DPYSL2: variants seen among roughly 807,000 people sequenced by gnomAD.
DPYSL2 encodes the protein dihydropyrimidinase-related protein 2.
DPYSL2 carries 13 observed loss-of-function variants against 69.9 expected under a neutral mutation model. The observed-to-expected ratio is 0.19, with a 90% confidence interval of 0.12 to 0.30. The LOEUF (loss-of-function observed/expected upper bound fraction) is 0.30. DPYSL2 is among the 10% of genes least tolerant of loss of function. The pLI, the probability that DPYSL2 is intolerant of heterozygous loss-of-function variation, is 1.00. For synonymous variants in DPYSL2, 326 were observed against 359.1 expected (o/e 0.91, Z 1.04); for missense variants, 587 against 918.9 (o/e 0.64, Z 4.67).
At chr8:26,581,195 A>G (rs144502311) in intron 1 of DPYSL2, among the ~76,000 whole-genome samples, 1,990 of 152,272 alleles carry the variant, frequency 0.013, 46 homozygotes, top group African/African-American at 0.043. Flanking sequence ...AAACCTTGCT[A>G]TGGTTGAACC....
At chr8:26,567,611 G>T (rs1475270749) in intron 1 of DPYSL2, among the ~76,000 whole-genome samples, 1 of 152,244 alleles carries the variant, frequency 6.6e-6, no homozygotes. Flanking sequence ...AGCCCCCAGT[G>T]GGGGCATAAG....
chr8:26,577,793 G>A, intron 1 of DPYSL2: 1 of 991,412 alleles, frequency 1.0e-6, no homozygotes, highest in Non-Finnish European at 1.2e-6. Flanking sequence ...GCGCTCTCGC[G>A]CCGCGCCCCG....
chr8:26,612,587 C>CA (rs1802255682), intron 3 of DPYSL2, among the ~76,000 whole-genome samples: 1 of 152,168 alleles, frequency 6.6e-6, no homozygotes, highest in African/African-American at 2.4e-5. Context: ...TGTGGTGGCT[C>CA]ACGCCTGTAA....
intron 10 of DPYSL2, among the ~76,000 whole-genome samples, chr8:26,645,204 A>T (rs1288988089): frequency 6.6e-6 from 1 of 152,110 alleles, no homozygotes; most frequent in Non-Finnish European, 1.5e-5. Flanking sequence ...GTTCAAGACC[A>T]GTCTGGCAAC....
intron 1 of DPYSL2, among the ~76,000 whole-genome samples, chr8:26,567,698 GC>G (rs1801174534): frequency 6.6e-6 from 1 of 152,246 alleles, no homozygotes; most frequent in Admixed American, 6.5e-5. Context: ...GTCCAAGAGG[GC>G]CTGGGCATGC....
At chr8:26,529,914 C>T (rs1800476581) in intron 1 of DPYSL2, among the ~76,000 whole-genome samples, 1 of 151,214 alleles carries the variant, frequency 6.6e-6, no homozygotes, top group African/African-American at 2.4e-5. Context: ...AGTTCGAGAC[C>T]AGCCTGGCTA....
intron 1 of DPYSL2, among the ~76,000 whole-genome samples, chr8:26,573,849 A>AG (rs1801282100): frequency 6.6e-6 from 1 of 150,688 alleles, no homozygotes; most frequent in African/African-American, 2.4e-5. Context: ...AAAAAAAAAA[A>AG]AAAAAAAAGT....
In DPYSL2 at chr8:26,605,050, A is replaced by T. The variant is rs532823906; in HGVS notation, c.629-19093A>T. 6.6e-6 allele frequency among the ~76,000 whole-genome samples: 1 copy of T among 152,184 alleles called. No individual in the cohort carries two copies. The highest frequency in any genetic ancestry group is 1.9e-4 in the East Asian group (1 of 5,154). On this transcript the variant is annotated intron_variant, in intron 3 of 13. Transcript: ENST00000521913. This position sits in a 1 kb window ranked among gnomAD's most constrained non-coding sequence, Gnocchi z 4.1. ...ATCTTTTATGTTTCTCAAAGGCGTT[A>T]TGTTCTGCATTGTAAATGTGCGGAA...
Position 26,587,661 on chromosome 8 carries a change from G to A in DPYSL2, c.628+3678G>A, listed in dbSNP as rs572033102. On this transcript the variant is annotated intron_variant, in intron 3 of 13. Coordinates refer to ENST00000521913, the MANE Select transcript of DPYSL2 (RefSeq NM_001197293.3). The surrounding 1 kb of genome is among the most constrained non-coding windows in gnomAD (Gnocchi z 4.2). ...ATGAGATCTTTATGAGGCGGACTCAGTGTGGAGCAGGGGGAACGCCCTTTG... is the reference window on the plus strand; with the variant it reads ...ATGAGATCTTTATGAGGCGGACTCAATGTGGAGCAGGGGGAACGCCCTTTG... Among the ~76,000 whole-genome samples, 2 of 152,392 alleles carry A rather than the reference G, an allele frequency of 1.3e-5. No homozygotes were observed. Among genetic ancestry groups the A allele is most frequent in the Admixed American group, 6.5e-5 (1 of 15,306 alleles).
At chr8:26,540,279 AT>A (rs1800657757) in intron 1 of DPYSL2, among the ~76,000 whole-genome samples, 2 of 150,632 alleles carry the variant, frequency 1.3e-5, no homozygotes, top group African/African-American at 2.4e-5. Flanking sequence ...AGAAAAAAAA[AT>A]CGGTAAACTT....
At position 26,597,500 on chromosome 8, in the gene DPYSL2, A is replaced by C. The variant is rs901582779; in HGVS notation, c.628+13517A>C. Among the ~76,000 whole-genome samples the C allele has an allele frequency of 6.6e-6, 1 of 151,714 alleles. No individual in the cohort carries two copies. The highest frequency in any genetic ancestry group is 1.5e-5 in the Non-Finnish European group (1 of 67,952). The stretch of plus-strand genomic sequence containing the variant: ...TTCTTTTCTTTTTTTTTGGATACAG[A>C]GTCTCCCTCCGTTGCCTAGGCTGGA... On this transcript the variant is annotated intron_variant, in intron 3 of 13. Coordinates refer to ENST00000521913, the MANE Select transcript of DPYSL2 (RefSeq NM_001197293.3). This position sits in a 1 kb window ranked among gnomAD's most constrained non-coding sequence, Gnocchi z 5.2.
rs114167046 is a variant in DPYSL2 at position 26,599,678 on chromosome 8, C to A, written c.628+15695C>A. 6.7e-3 allele frequency among the ~76,000 whole-genome samples: 1,018 copies of A among 151,696 alleles called. 14 individuals carry two copies. Among genetic ancestry groups the A allele is most frequent in the African/African-American group, 0.023 (952 of 41,308 alleles). ...ACTCTAAAAATTTTTGATTCTACTA[C>A]TGCACTCCAGCATGGGTAATAGAGC... On this transcript the variant is annotated intron_variant, in intron 3 of 13. Transcript: ENST00000521913.
At chr8:26,546,642 G>A (rs185670235) in intron 1 of DPYSL2, among the ~76,000 whole-genome samples, 28 of 152,190 alleles carry the variant, frequency 1.8e-4, no homozygotes, top group Non-Finnish European at 4.4e-5. Flanking sequence ...TGCAGAGGCC[G>A]GGCGTGGTGG....
intron 3 of DPYSL2, among the ~76,000 whole-genome samples, chr8:26,596,106 CAGAT>C (rs1377501420): frequency 1.3e-5 from 2 of 152,102 alleles, no homozygotes; most frequent in Non-Finnish European, 2.9e-5. Flanking sequence ...GAGGCCTTGA[CAGAT>C]ATTTTGGAGC....
intron 7 of DPYSL2, among the ~76,000 whole-genome samples, chr8:26,631,116 G>T (rs1318255576): frequency 6.6e-6 from 1 of 152,220 alleles, no homozygotes; most frequent in Non-Finnish European, 1.5e-5. Context: ...AACACAGAAA[G>T]AAAGGGCCCT....
Position 26,588,272 on chromosome 8 carries a change from G to A in DPYSL2, c.628+4289G>A, listed in dbSNP as rs932912193. On this transcript the variant is annotated intron_variant, in intron 3 of 13. Transcript: ENST00000521913. The surrounding 1 kb of genome is among the most constrained non-coding windows in gnomAD (Gnocchi z 5.4). The stretch of plus-strand genomic sequence containing the variant: ...CACTGAGAGCAGGCGCTGTCTAGGC[G>A]TGGCTGGCGGACTGTGTGCTTTGTG... 3.9e-5 allele frequency among the ~76,000 whole-genome samples: 6 copies of A among 152,198 alleles called. No homozygotes were observed. The highest frequency in any genetic ancestry group is 1.3e-4 in the Admixed American group (2 of 15,286).
intron 3 of DPYSL2, among the ~76,000 whole-genome samples, chr8:26,604,836 AT>A (rs534554845): frequency 2.7e-5 from 4 of 149,872 alleles, no homozygotes; most frequent in East Asian, 3.9e-4. Context: ...TAATTTTTGC[AT>A]TTTTTTTTAG....
At chr8:26,622,233 G>T (rs1268922224) in intron 3 of DPYSL2, among the ~76,000 whole-genome samples, 2 of 148,414 alleles carry the variant, frequency 1.3e-5, no homozygotes, top group African/African-American at 2.5e-5. Context: ...AACTTAAGAA[G>T]AAAAATTGGA....
chr8:26,645,384 C>T (rs1803139857), intron 10 of DPYSL2, among the ~76,000 whole-genome samples: 1 of 151,896 alleles, frequency 6.6e-6, no homozygotes, highest in Non-Finnish European at 1.5e-5. Flanking sequence ...CTGGGGGACA[C>T]AGTGAGACCC....
Sources: gnomAD v4.1 joint callset for allele counts (sites outside exome capture counted in the v4.1 genomes callset) on GRCh38, gnomAD v4.1.1 for gene constraint, Gnocchi (gnomAD v3.1) non-coding constraint, MANE v1.5 for transcripts, NCBI Gene and HGNC (gene_info 2026-07-23, HGNC 2026-07-21) for gene names.